The following STIM1 variants were observed in gnomAD, a reference collection of about 807,000 sequenced individuals.
STIM1 encodes the protein stromal interaction molecule 1.
In STIM1, 25 loss-of-function variants were observed where a neutral mutation model predicts 74.7. That is an observed-to-expected ratio of 0.33 (90% CI 0.24 to 0.47). The LOEUF (loss-of-function observed/expected upper bound fraction) is 0.47. Among genes scored for constraint, STIM1 ranks in the 20% least tolerant of loss-of-function variants. The pLI is 1.00. For synonymous variants in STIM1, 328 were observed against 348.8 expected (o/e 0.94, Z 0.66); for missense variants, 728 against 920.8 (o/e 0.79, Z 2.71).
chr11:4,088,890 A>G (rs962668060), intron 12 of STIM1: 10 of 781,458 alleles, frequency 1.3e-5, no homozygotes, highest in African/African-American at 3.5e-5. Context: ...CCAGGTTCTT[A>G]TCTTGCTTTG....
At chr11:4,064,216 G>A (rs759124838) in intron 5 of STIM1, among the ~76,000 whole-genome samples, 5 of 152,182 alleles carry the variant, frequency 3.3e-5, no homozygotes, top group Non-Finnish European at 7.4e-5. Flanking sequence ...GAAAATCGCC[G>A]GCTGGAATCT....
At chr11:4,065,267 G>A (rs1440125885) in intron 5 of STIM1, among the ~76,000 whole-genome samples, 1 of 152,108 alleles carries the variant, frequency 6.6e-6, no homozygotes, top group Admixed American at 6.6e-5. Flanking sequence ...TCAGAAAATA[G>A]GGGAAAGTCC....
intron 5 of STIM1, among the ~76,000 whole-genome samples, chr11:4,062,523 G>A (rs1179236295): frequency 6.6e-6 from 1 of 152,228 alleles, no homozygotes; most frequent in African/African-American, 2.4e-5. Flanking sequence ...TCAGGAGGTT[G>A]AGGCATAAGA....
At chr11:4,005,746 A>G (rs2093773329) in intron 2 of STIM1, among the ~76,000 whole-genome samples, 1 of 152,280 alleles carries the variant, frequency 6.6e-6, no homozygotes, top group South Asian at 2.1e-4. Flanking sequence ...AATAAAAAAG[A>G]TTATTCTAGT....
intron 3 of STIM1, among the ~76,000 whole-genome samples, chr11:4,046,997 G>A (rs1204315874): frequency 6.6e-6 from 1 of 152,082 alleles, no homozygotes; most frequent in African/African-American, 2.4e-5. Flanking sequence ...ACTTATCCAC[G>A]TGAGCTGTAT....
rs2092067911 is a variant in STIM1, at chr11:3,895,667, T to TTTCC, written c.139+39261_139+39262insCTTC. ...CTTTCTTTCTTTCTTTCTTTCTTTC[T>TTTCC]TTCTTTCCTTCCTTCCTTCTTTCTT... On this transcript the variant is annotated intron_variant, in intron 1 of 12. Transcript: ENST00000526596. Among the ~76,000 whole-genome samples the TTTCC allele has an allele frequency of 1.9e-4, 7 of 37,460 alleles. 1 individual carries two copies. Among genetic ancestry groups the TTTCC allele is most frequent in the African/African-American group, 1.1e-3 (7 of 6,250 alleles). 24.6% of individuals were successfully genotyped at this position (37,460 alleles called of 152,430 possible).
chr11:3,890,428 C>T (rs2091859176), intron 1 of STIM1, among the ~76,000 whole-genome samples: 1 of 152,164 alleles, frequency 6.6e-6, no homozygotes, highest in Non-Finnish European at 1.5e-5. Context: ...CTGTATCACC[C>T]CTGTTAGAGC....
In STIM1 at chr11:4,062,308, C is replaced by A. The variant is rs796507329; in HGVS notation, c.613+2912C>A. The stretch of plus-strand genomic sequence containing the variant: ...ATTGGCAAACATTTTTCTGACAAGG[C>A]TCTACTATCCAGAATACATAAAAAA... On this transcript the variant is annotated intron_variant, in intron 5 of 12. Coordinates refer to ENST00000526596, the MANE Select transcript of STIM1 (RefSeq NM_001382567.1). 1.9e-4 allele frequency among the ~76,000 whole-genome samples: 29 copies of A among 152,268 alleles called. 1 individual carries two copies. The highest frequency in any genetic ancestry group is 7.0e-4 in the African/African-American group (29 of 41,552).
At chr11:3,935,595 G>A (rs1020984832) in intron 1 of STIM1, among the ~76,000 whole-genome samples, 7 of 152,228 alleles carry the variant, frequency 4.6e-5, no homozygotes, top group Admixed American at 1.3e-4. Context: ...GAAGACTAAC[G>A]AAAGCAGATT....
intron 3 of STIM1, among the ~76,000 whole-genome samples, chr11:4,034,274 A>G (rs2094080329): frequency 6.6e-6 from 1 of 151,862 alleles, no homozygotes; most frequent in South Asian, 2.1e-4. Context: ...ATATATATAT[A>G]TAATGTTGGC....
chr11:3,904,190 C>T (rs1418775942), intron 1 of STIM1, among the ~76,000 whole-genome samples: 1 of 51,046 alleles, frequency 2.0e-5, no homozygotes, highest in Non-Finnish European at 4.1e-5. Context: ...GAGTGAGACT[C>T]TGTCTCAAAA....
At chr11:3,944,499 G>A (rs924276878) in intron 1 of STIM1, among the ~76,000 whole-genome samples, 1 of 152,204 alleles carries the variant, frequency 6.6e-6, no homozygotes, top group Admixed American at 6.5e-5. Context: ...GTGATGGTAA[G>A]TTGAAAAGAG....
chr11:3,998,762 A>G (rs1353626152), intron 2 of STIM1, among the ~76,000 whole-genome samples: 67 of 152,158 alleles, frequency 4.4e-4, no homozygotes, highest in East Asian at 1.9e-4. Context: ...AACTTCACAG[A>G]AGGCAGTGAC....
chr11:4,084,247 C>T (rs767897260), intron 10 of STIM1, among the ~76,000 whole-genome samples: 1 of 152,168 alleles, frequency 6.6e-6, no homozygotes, highest in East Asian at 1.9e-4. Context: ...AGTAGAATAG[C>T]CCTTATGGTA....
intron 1 of STIM1, among the ~76,000 whole-genome samples, chr11:3,914,914 CTT>C (rs1043043135): frequency 6.7e-6 from 1 of 149,218 alleles, no homozygotes; most frequent in African/African-American, 2.5e-5. Context: ...GCCAGTACTT[CTT>C]TTTTTTTTCC....
intron 3 of STIM1, among the ~76,000 whole-genome samples, chr11:4,046,359 C>T (rs2094193676): frequency 6.6e-6 from 1 of 152,164 alleles, no homozygotes; most frequent in Admixed American, 6.5e-5. Context: ...GCACCCTTCA[C>T]TTAAGCTTCT....
chr11:3,906,856 A>G (rs1308432125), intron 1 of STIM1, among the ~76,000 whole-genome samples: 2 of 152,258 alleles, frequency 1.3e-5, no homozygotes, highest in Non-Finnish European at 2.9e-5. Context: ...CTTTTAAGAT[A>G]GGTACTATTA....
chr11:4,047,936 A>C (rs1248210275), intron 3 of STIM1, among the ~76,000 whole-genome samples: 1 of 151,068 alleles, frequency 6.6e-6, no homozygotes, highest in Non-Finnish European at 1.5e-5. Flanking sequence ...CTTCTGCCTC[A>C]GCCTCCCAAG....
At chr11:4,050,157 G>GTACTCA (rs1195513301) in intron 3 of STIM1, among the ~76,000 whole-genome samples, 11 of 152,178 alleles carry the variant, frequency 7.2e-5, no homozygotes, top group African/African-American at 2.7e-4. Flanking sequence ...TTTGGGTTAT[G>GTACTCA]TACTCATCCC....
Sources: gnomAD v4.1 joint callset for allele counts (sites outside exome capture counted in the v4.1 genomes callset) on GRCh38, gnomAD v4.1.1 for gene constraint, MANE v1.5 for transcripts, NCBI Gene and HGNC (gene_info 2026-07-23, HGNC 2026-07-21) for gene names.